Variants in U2AF2 observed in about 807,000 individuals in gnomAD.
The protein encoded by U2AF2 is splicing factor U2AF 65 kDa subunit.
U2AF2 carries 6 observed loss-of-function variants against 52.6 expected under a neutral mutation model. That is an observed-to-expected ratio of 0.11 (90% CI 0.06 to 0.23). The LOEUF (loss-of-function observed/expected upper bound fraction) is 0.23. Ranked by LOEUF, U2AF2 falls within the 10% of genes least tolerant of loss-of-function variation. The probability of loss-of-function intolerance (pLI) is 1.00; values close to 1 mark genes in which losing one functional copy is unlikely to be tolerated. For missense variants in U2AF2, 222 were observed against 677.1 expected (o/e 0.33, Z 7.46); for synonymous variants, 284 against 258.2 (o/e 1.10, Z -0.96).
intron 5 of U2AF2, chr19:55,662,297 C>T (rs1984261771): frequency 4.2e-6 from 2 of 472,236 alleles, no homozygotes; most frequent in East Asian, 6.7e-5. Flanking sequence ...GCTACTGCTT[C>T]CTCCCCATTT....
chr19:55,660,181 C>G lies in U2AF2; in HGVS notation c.190C>G (p.Pro64Ala). ...CCTTTCCCTCCCACCCCCCAGCAAA[C>G]CTTTGACCAGAGGCGCTAAAGAGGA... ...ASRDRRRRSK[P>A]LTRGAKEEHG... is the part of the protein sequence containing the mutation. The change falls in exon 3 of 12, where the codon CCT becomes GCT. Residue 64 changes from proline to alanine, a missense_variant. Physicochemically the swap from Pro to Ala is conservative, Grantham distance 27. Transcript: ENST00000308924. The G allele has an allele frequency of 7.7e-7, 1 of 1,295,682 alleles. No individual in the cohort carries two copies. Among genetic ancestry groups the G allele is most frequent in the Non-Finnish European group, 1.1e-6 (1 of 933,916 alleles). 80.3% of individuals were successfully genotyped at this position (1,295,682 alleles called of 1,614,324 possible). A position where few individuals can be genotyped will look rare whatever the true frequency, so the allele number is the denominator to read the frequency against.
At chr19:55,657,584 A>AG (rs1246322896) in intron 1 of U2AF2, among the ~76,000 whole-genome samples, 9 of 152,282 alleles carry the variant, frequency 5.9e-5, no homozygotes, top group African/African-American at 1.9e-4. Flanking sequence ...CTTATAAGCG[A>AG]GGAGCTGTGC....
At chr19:55,655,174 G>C in intron 1 of U2AF2, 21 bp downstream of exon 1, 1 of 1,599,370 alleles carries the variant, frequency 6.3e-7, no homozygotes. Context: ...CGGGGTCGCG[G>C]GGCGGAGGTG....
At chr19:55,660,429 G>A (rs1239529657) in intron 3 of U2AF2, 87 bp from the exon 4 acceptor site, 4 of 1,180,250 alleles carry the variant, frequency 3.4e-6, no homozygotes, top group African/African-American at 3.0e-5. Context: ...CGGGGAGGGT[G>A]AAAGGGTGCC....
At chr19:55,666,522 G>C (rs932848755) in intron 7 of U2AF2, among the ~76,000 whole-genome samples, 1 of 152,204 alleles carries the variant, frequency 6.6e-6, no homozygotes, top group African/African-American at 2.4e-5. Flanking sequence ...TCCTGTTGTG[G>C]GCATTGAGTC....
rs1443943325 is a variant in U2AF2, at chr19:55,668,994, A to G, written c.946-89A>G. On this transcript the variant is annotated intron_variant, in intron 9 of 11. Transcript: ENST00000308924. This position sits in a 1 kb window ranked among gnomAD's most constrained non-coding sequence, Gnocchi z 5.5. ...CTTTGCCTTCCCCTCTTCCCCCACC[A>G]ATGCCCCGGCTTGGGGGTAGGTGTC... The G allele has an allele frequency of 2.0e-6, 3 of 1,512,578 alleles. No individual in the cohort carries two copies. The highest frequency in any genetic ancestry group is 2.7e-6 in the Non-Finnish European group (3 of 1,114,050). 93.7% of individuals were successfully genotyped at this position (1,512,578 alleles called of 1,614,324 possible). A position where few individuals can be genotyped will look rare whatever the true frequency, so the allele number is the denominator to read the frequency against.
In U2AF2 at chr19:55,660,506, C is replaced by A. The variant is rs1287153575; in HGVS notation, c.231-10C>A. On this transcript the variant is annotated splice_polypyrimidine_tract_variant and intron_variant, in intron 3 of 11. Coordinates refer to ENST00000308924, the MANE Select transcript of U2AF2 (RefSeq NM_007279.3). ...TGCCCTGCCCCGCTCTCCCCTCCCA[C>A]CTCCCCCAGTCGTTCCCCCCGCCAC... is the stretch of plus-strand genomic sequence containing the variant. 9 of 1,269,468 alleles carry A rather than the reference C, an allele frequency of 7.1e-6. No individual in the cohort carries two copies. Among genetic ancestry groups the A allele is most frequent in the Non-Finnish European group, 1.0e-5 (9 of 890,612 alleles). The allele number at this position is 1,269,468 out of a possible 1,614,324, so 78.6% of individuals were successfully genotyped here. A position where few individuals can be genotyped will look rare whatever the true frequency, so the allele number is the denominator to read the frequency against.
rs1435806853 is a variant in U2AF2, at chr19:55,668,484, G to A, written c.743-23G>A. 6.4e-7 allele frequency: 1 copy of A among 1,554,732 alleles called. No individual in the cohort carries two copies. The highest frequency in any genetic ancestry group is 2.3e-5 in the East Asian group (1 of 44,204). On this transcript the variant is annotated intron_variant, in intron 7 of 11. Transcript: ENST00000308924. The surrounding 1 kb of genome is among the most constrained non-coding windows in gnomAD (Gnocchi z 5.5). The stretch of plus-strand genomic sequence containing the variant: ...GAGATAACCTGGTACTGGAATTGAA[G>A]TCCTCCTCTTCTCTACCCATAGGGG...
intron 1 of U2AF2, among the ~76,000 whole-genome samples, chr19:55,655,752 G>T (rs918531955): frequency 6.6e-6 from 1 of 152,224 alleles, no homozygotes; most frequent in South Asian, 2.1e-4. Flanking sequence ...CCGCCAGGTG[G>T]TTTCTGCCCC....
intron 10 of U2AF2, 125 bp downstream of exon 10, chr19:55,669,306 G>A: frequency 3.2e-6 from 5 of 1,546,374 alleles, no homozygotes; most frequent in Non-Finnish European, 4.4e-6. Flanking sequence ...TCAGTGCAGT[G>A]TTGGGGAGTC....
At chr19:55,670,466 C>CCGTGCACCCTGCTGT (rs1984831850) in intron 11 of U2AF2, among the ~76,000 whole-genome samples, 124 of 6,350 alleles carry the variant, frequency 0.02, 1 homozygote, top group South Asian at 0.042. Context: ...ACCCTGCTGT[C>CCGTGCACCCTGCTGT]CCGTGCACCC....
intron 7 of U2AF2, among the ~76,000 whole-genome samples, chr19:55,664,742 C>T (rs1320904855): frequency 3.3e-5 from 5 of 152,098 alleles, no homozygotes; most frequent in African/African-American, 1.2e-4. Context: ...TGTTTTGAGA[C>T]AGTCTCGCTC....
chr19:55,661,449 T>G, intron 5 of U2AF2: 5 of 428,522 alleles, frequency 1.2e-5, no homozygotes, highest in East Asian at 7.9e-5. Context: ...ACACATAATG[T>G]ACCCACGTGT....
chr19:55,667,071 A>ATAGGAGCTGGGTCTCC (rs1204064664), intron 7 of U2AF2, among the ~76,000 whole-genome samples: 1 of 152,144 alleles, frequency 6.6e-6, no homozygotes, highest in African/African-American at 2.4e-5. Context: ...TCCCTGTAGC[A>ATAGGAGCTGGGTCTCC]TAGGAGCTGG....
chr19:55,660,739 C>T (rs1052903165), intron 4 of U2AF2, 120 bp downstream of exon 4: 4 of 1,010,020 alleles, frequency 4.0e-6, no homozygotes, highest in South Asian at 1.6e-5. Flanking sequence ...GGGTTGCACA[C>T]CCCTGGGGGT....
rs749332239 is a variant in U2AF2, at chr19:55,663,754, G to A, written c.742+10G>A. On this transcript the variant is annotated intron_variant, in intron 7 of 11. Coordinates refer to ENST00000308924, the MANE Select transcript of U2AF2 (RefSeq NM_007279.3). ...TCCGTCTATGTGCCTGGTGAGTGGG[G>A]GATCCATTAAGGGCCCCTTTCTCCC... 1.4e-5 allele frequency: 22 copies of A among 1,613,824 alleles called. No individual in the cohort carries two copies. The highest frequency in any genetic ancestry group is 1.8e-5 in the Non-Finnish European group (21 of 1,179,948).
intron 7 of U2AF2, 168 bp downstream of exon 7, chr19:55,663,912 C>A: frequency 9.9e-7 from 1 of 1,011,270 alleles, no homozygotes; most frequent in Non-Finnish European, 1.4e-6. Context: ...TGCTCTCCTG[C>A]TGGTAGAGAA....
Position 55,674,557 on chromosome 19 carries a change from T to C in U2AF2, c.*489T>C, listed in dbSNP as rs1342645502. 1 of 155,092 alleles carries C rather than the reference T, an allele frequency of 6.4e-6. No individual in the cohort carries two copies. Among genetic ancestry groups the C allele is most frequent in the African/African-American group, 2.4e-5 (1 of 41,446 alleles). The allele number at this position is 155,092 out of a possible 1,614,324, so 9.6% of individuals were successfully genotyped here. ...TGTTCCTTCGGCCTCTGGTCCTCTC[T>C]GGTCCCCTCCTGGGTTTCTTACGTA... On this transcript the variant is annotated 3_prime_UTR_variant, in exon 12 of 12. Coordinates refer to ENST00000308924, the MANE Select transcript of U2AF2 (RefSeq NM_007279.3).
At chr19:55,657,006 A>G (rs1371273587) in intron 1 of U2AF2, among the ~76,000 whole-genome samples, 1 of 152,264 alleles carries the variant, frequency 6.6e-6, no homozygotes, top group African/African-American at 2.4e-5. Flanking sequence ...TTAAAGGCTA[A>G]GTTGCTTTTG....
Sources: gnomAD v4.1 joint callset for allele counts (sites outside exome capture counted in the v4.1 genomes callset) on GRCh38, gnomAD v4.1.1 for gene constraint, Gnocchi (gnomAD v3.1) non-coding constraint, MANE v1.5 for transcripts, NCBI Gene and HGNC (gene_info 2026-07-23, HGNC 2026-07-21) for gene names.